The following PPP1R36 variants were observed in gnomAD, a reference collection of about 807,000 sequenced individuals.
PPP1R36 encodes protein phosphatase 1 regulatory subunit 36.
A neutral mutation model predicts 53.4 loss-of-function variants in PPP1R36; 47 were observed. That is an observed-to-expected ratio of 0.88 (90% confidence interval 0.70 to 1.12). The LOEUF (loss-of-function observed/expected upper bound fraction) is 1.12, where lower values mean the gene tolerates loss of function less well. Ranked by LOEUF, PPP1R36 falls within the 50% of genes most tolerant of loss-of-function variation. The pLI is 0.00. For missense variants in PPP1R36, 456 were observed against 513.9 expected, an observed-to-expected ratio of 0.89 and a Z score of 1.09; for synonymous variants, 153 against 170.5, an observed-to-expected ratio of 0.90 and a Z score of 0.80.
intron 3 of PPP1R36, chr14:64,561,940 T>C: frequency 2.4e-6 from 1 of 408,720 alleles, no homozygotes; most frequent in Non-Finnish European, 4.9e-6. Context: ...AGGTCTAACT[T>C]GTGTGGAAGC....
chr14:64,581,339 A>G (rs1236577811), intron 8 of PPP1R36, among the ~76,000 whole-genome samples: 1 of 152,184 alleles, frequency 6.6e-6, no homozygotes, highest in Non-Finnish European at 1.5e-5. Flanking sequence ...CTTTAGAACA[A>G]TGAATGCAGT....
intron 10 of PPP1R36, 81 bp from the exon 11 acceptor site, chr14:64,588,023 C>T: frequency 3.0e-6 from 4 of 1,338,160 alleles, no homozygotes; most frequent in Non-Finnish European, 4.1e-6. Context: ...GGATTACAGG[C>T]ATGAGCCACT....
intron 8 of PPP1R36, among the ~76,000 whole-genome samples, chr14:64,574,886 G>A (rs2080330675): frequency 6.6e-6 from 1 of 152,198 alleles, no homozygotes; most frequent in Non-Finnish European, 1.5e-5. Context: ...GGCTCTTGCT[G>A]CCAGACTTGG....
chr14:64,589,225 A>G lies in PPP1R36; in HGVS notation c.1156A>G (p.Thr386Ala). The change falls in exon 12 of 12, where the codon ACA becomes GCA. Residue 386 changes from threonine (T) to alanine (A), a missense_variant. By Grantham distance (58) the Thr-to-Ala change is moderately conservative. Coordinates refer to ENST00000298705, the MANE Select transcript of PPP1R36 (RefSeq NM_172365.3). Reference protein sequence around the residue: ...TLHPLDPEENTKSFGRYPSLM... With the variant: ...TLHPLDPEENAKSFGRYPSLM... ...TCACCCCCTTGATCCAGAAGAAAAC[A>G]CAAAATCATTTGGGAGATATCCTTC... 1.2e-6 allele frequency: 2 copies of G among 1,614,082 alleles called. No individual in the cohort carries two copies. Among genetic ancestry groups the G allele is most frequent in the East Asian group, 4.5e-5 (2 of 44,872 alleles).
In PPP1R36 at chr14:64,565,454, T is replaced by A; in HGVS notation, c.367T>A (p.Phe123Ile). The change falls in exon 5 of 12, where the codon TTT becomes ATT. Residue 123 changes from phenylalanine (F) to isoleucine (I), a missense_variant and splice_region_variant. Transcript: ENST00000298705. ...CACCATTACACTGGATGATGTTAAA[T>A]GTGAGTAACTGTTTCTTTATGCATA... is the stretch of plus-strand genomic sequence containing the variant. ...QGTITLDDVKFVTLLLLQDTE... is the reference protein window; with the variant it reads ...QGTITLDDVKIVTLLLLQDTE... 6.2e-7 allele frequency: 1 copy of A among 1,603,032 alleles called. No homozygotes were observed.
intron 1 of PPP1R36, 170 bp downstream of exon 1, chr14:64,550,236 C>A: frequency 7.3e-7 from 1 of 1,373,108 alleles, no homozygotes; most frequent in East Asian, 2.8e-5. Flanking sequence ...AAAAAAAAAA[C>A]TCTGGTGTAT....
At chr14:64,589,053 C>T (rs994890101) in intron 11 of PPP1R36, 99 bp from the exon 12 acceptor site, 4 of 800,644 alleles carry the variant, frequency 5.0e-6, no homozygotes, top group Non-Finnish European at 8.0e-6. Flanking sequence ...AGTGTACATA[C>T]ACACACACAT....
At chr14:64,583,811 C>CA (rs529491293) in intron 8 of PPP1R36, among the ~76,000 whole-genome samples, 710 of 29,278 alleles carry the variant, frequency 0.024, 26 homozygotes, top group East Asian at 0.19. Context: ...AACTCCATCT[C>CA]AAAAAAAAAA....
In PPP1R36 at chr14:64,568,508, T is replaced by C. The variant is rs112513114; in HGVS notation, c.533+61T>C. On this transcript the variant is annotated intron_variant, in intron 7 of 11. Coordinates refer to ENST00000298705, the MANE Select transcript of PPP1R36 (RefSeq NM_172365.3). ...TCACTGCCAGTATTAAAAGTAACTTTTGTCTAGGATAAAGAGATGATGGAA... is the reference window on the plus strand; with the variant it reads ...TCACTGCCAGTATTAAAAGTAACTTCTGTCTAGGATAAAGAGATGATGGAA... 5.4e-5 allele frequency: 39 copies of C among 727,146 alleles called. 1 individual carries two copies. Among genetic ancestry groups the C allele is most frequent in the Admixed American group, 2.3e-4 (8 of 35,412 alleles). The allele number at this position is 727,146 out of a possible 1,614,324, so 45.0% of individuals were successfully genotyped here.
intron 3 of PPP1R36, among the ~76,000 whole-genome samples, chr14:64,555,353 T>C (rs531327660): frequency 6.6e-6 from 1 of 152,314 alleles, no homozygotes; most frequent in African/African-American, 2.4e-5. Flanking sequence ...AAGATTCAAT[T>C]GATAAATAAG....
At chr14:64,571,864 C>T (rs753000201) in intron 7 of PPP1R36, among the ~76,000 whole-genome samples, 7 of 152,126 alleles carry the variant, frequency 4.6e-5, no homozygotes, top group South Asian at 2.1e-4. Context: ...AGAAAGCATG[C>T]GCAGGGGAAC....
chr14:64,561,942 T>C (rs112139711), intron 3 of PPP1R36: 4,856 of 406,942 alleles, frequency 0.012, 70 homozygotes, highest in South Asian at 0.032. Context: ...GTCTAACTTG[T>C]GTGGAAGCCA....
In PPP1R36 at chr14:64,564,773, A is replaced by G; in HGVS notation, c.205A>G (p.Lys69Glu). 1 of 1,611,126 alleles carries G rather than the reference A, an allele frequency of 6.2e-7. No homozygotes were observed. The highest frequency in any genetic ancestry group is 1.1e-5 in the South Asian group (1 of 90,580). The change falls in exon 4 of 12, where the codon AAG becomes GAG. Residue 69 changes from lysine (K) to glutamate (E), a missense_variant. By Grantham distance (56) the Lys-to-Glu change is moderately conservative (BLOSUM62 1). Coordinates refer to ENST00000298705, the MANE Select transcript of PPP1R36 (RefSeq NM_172365.3). Reference protein sequence around the residue: ...HPHFTPAAEVKEKGKKGKAVH... With the variant: ...HPHFTPAAEVEEKGKKGKAVH... ...CAGTTTTACACCTGCAGCAGAAGTC[A>G]AGGAAAAAGGAAAGAAAGGCAAAGC...
At chr14:64,576,428 C>T (rs530500318) in intron 8 of PPP1R36, among the ~76,000 whole-genome samples, 1 of 152,198 alleles carries the variant, frequency 6.6e-6, no homozygotes, top group African/African-American at 2.4e-5. Context: ...TACCCAGGGT[C>T]TGAGAGGCAC....
chr14:64,564,945 A>G, intron 4 of PPP1R36, 108 bp downstream of exon 4: 1 of 706,522 alleles, frequency 1.4e-6, no homozygotes, highest in South Asian at 1.9e-5. Flanking sequence ...CTAGGTCGCA[A>G]TGCGAATACC....
chr14:64,561,475 G>A (rs1045007546), intron 3 of PPP1R36, among the ~76,000 whole-genome samples: 3 of 152,216 alleles, frequency 2.0e-5, no homozygotes, highest in Admixed American at 2.0e-4. Context: ...TTAATAGGTA[G>A]TTAAGGAAGA....
intron 6 of PPP1R36, among the ~76,000 whole-genome samples, chr14:64,567,896 C>T (rs1477326496): frequency 1.3e-5 from 2 of 152,116 alleles, no homozygotes; most frequent in Non-Finnish European, 2.9e-5. Context: ...TCAAGTTATC[C>T]ACCCACCTTG....
intron 8 of PPP1R36, among the ~76,000 whole-genome samples, chr14:64,578,833 A>C (rs1359084777): frequency 6.6e-6 from 1 of 152,244 alleles, no homozygotes; most frequent in African/African-American, 2.4e-5. Context: ...CACTGTTCAC[A>C]ATAGCAAAGA....
At chr14:64,560,637 T>C (rs971862902) in intron 3 of PPP1R36, among the ~76,000 whole-genome samples, 4 of 151,954 alleles carry the variant, frequency 2.6e-5, no homozygotes, top group African/African-American at 9.7e-5. Context: ...TAGTGAGCCA[T>C]GAGGAGTGAG....
Sources: gnomAD v4.1 joint callset for allele counts (sites outside exome capture counted in the v4.1 genomes callset) on GRCh38, gnomAD v4.1.1 for gene constraint, MANE v1.5 for transcripts, NCBI Gene and HGNC (gene_info 2026-07-23, HGNC 2026-07-21) for gene names.